Variants in RRP1 observed in about 807,000 individuals in gnomAD.
RRP1 encodes ribosomal RNA processing protein 1 homolog A.
In RRP1, 37 loss-of-function variants were observed where a neutral mutation model predicts 54.6. The ratio of observed to expected loss-of-function variants is 0.68; its 90% CI spans 0.52 to 0.89. RRP1 has a LOEUF of 0.89. RRP1 is among the 40% of genes least tolerant of loss of function. RRP1 has a pLI of 0.00. For missense variants in RRP1, 639 were observed against 612.5 expected (o/e 1.04, Z -0.46); for synonymous variants, 262 against 244.3 (o/e 1.07, Z -0.67).
At chr21:43,793,541 G>T in intron 4 of RRP1, 137 bp downstream of exon 4, 1 of 677,542 alleles carries the variant, frequency 1.5e-6, no homozygotes, top group Non-Finnish European at 2.6e-6. Context: ...AGGTGGAGCC[G>T]AGACTCTGGG....
chr21:43,797,891 C>T lies in RRP1; in HGVS notation c.618-16C>T, dbSNP rs1569015657. 6.2e-7 allele frequency: 1 copy of T among 1,609,082 alleles called. No homozygotes were observed. Among genetic ancestry groups the T allele is most frequent in the Non-Finnish European group, 8.5e-7 (1 of 1,176,530 alleles). On this transcript the variant is annotated splice_polypyrimidine_tract_variant and intron_variant, in intron 7 of 12. Coordinates refer to ENST00000497547, the MANE Select transcript of RRP1 (RefSeq NM_003683.6). ...GCATAACGGGCCTGCTCACCGGCCT[C>T]TGCTCTGCCCCTCAGTTCCTTGGTT...
At chr21:43,790,052 T>G (rs935406228) in intron 1 of RRP1, among the ~76,000 whole-genome samples, 10 of 152,252 alleles carry the variant, frequency 6.6e-5, no homozygotes, top group Non-Finnish European at 1.5e-4. Context: ...CATGTACTCC[T>G]GCTGCCCTGC....
chr21:43,791,229 C>T (rs1425195250), intron 1 of RRP1, 121 bp from the exon 2 acceptor site: 2 of 982,262 alleles, frequency 2.0e-6, no homozygotes, highest in Non-Finnish European at 1.6e-6. Context: ...TTCTGCCCCC[C>T]AGTTGCCTTT....
At chr21:43,801,459 G>A (rs1177781089) in intron 11 of RRP1, among the ~76,000 whole-genome samples, 2 of 152,190 alleles carry the variant, frequency 1.3e-5, no homozygotes, top group Non-Finnish European at 2.9e-5. Context: ...ATCAGCTGTA[G>A]TCCAGGGTTT....
At chr21:43,799,489 G>A (rs1052732030) in intron 8 of RRP1, 81 bp from the exon 9 acceptor site, 5 of 1,351,294 alleles carry the variant, frequency 3.7e-6, no homozygotes, top group Non-Finnish European at 5.0e-6. Flanking sequence ...AGGGTGCACG[G>A]AGCGGGCTCT....
intron 9 of RRP1, 125 bp downstream of exon 9, chr21:43,799,774 C>T: frequency 3.4e-6 from 3 of 889,664 alleles, no homozygotes; most frequent in East Asian, 5.3e-5. Flanking sequence ...GTTACCCGGA[C>T]AGGGGTTAGC....
In RRP1 at chr21:43,799,711, C is replaced by G; in HGVS notation, c.891+62C>G. On this transcript the variant is annotated intron_variant, in intron 9 of 12. Coordinates refer to ENST00000497547, the MANE Select transcript of RRP1 (RefSeq NM_003683.6). Reference sequence around the variant, plus strand: ...TTGCCCCTCTGTGCTACCGCTTGCTCTGGAAGAGGAGGGGGGCGTTAGGAG... The same window carrying G: ...TTGCCCCTCTGTGCTACCGCTTGCTGTGGAAGAGGAGGGGGGCGTTAGGAG... 2.0e-6 allele frequency: 3 copies of G among 1,486,004 alleles called. No individual in the cohort carries two copies. The South Asian group carries it at 3.6e-5, about 18-fold the overall frequency. 92.1% of individuals were successfully genotyped at this position (1,486,004 alleles called of 1,614,324 possible). A position where few individuals can be genotyped will look rare whatever the true frequency, so the allele number is the denominator to read the frequency against.
chr21:43,797,556 G>A lies in RRP1; in HGVS notation c.552+5G>A. On this transcript the variant is annotated splice_donor_5th_base_variant and intron_variant, in intron 6 of 12. Transcript: ENST00000497547. ...ACCAAAGTGGGCGCCGAGGAGGTGA[G>A]GCTGGGCTCCGACGGGGCGGTGGAG... is the stretch of plus-strand genomic sequence containing the variant. The A allele has an allele frequency of 6.2e-7, 1 of 1,614,032 alleles. No homozygotes were observed. The highest frequency in any genetic ancestry group is 8.5e-7 in the Non-Finnish European group (1 of 1,179,902).
intron 3 of RRP1, 97 bp from the exon 4 acceptor site, chr21:43,793,222 A>G: frequency 2.0e-6 from 2 of 1,022,232 alleles, no homozygotes; most frequent in Admixed American, 1.9e-5. Context: ...TTTTATCTAT[A>G]GCTATGTAAA....
At position 43,789,591 on chromosome 21, in the gene RRP1, C is replaced by G. The variant is rs758332144; in HGVS notation, c.-39C>G. ...GGCGCGTGCTCAGTGTGCTGGGTAC[C>G]AGGCGACTCCGGGACAGGGGGTCTC... On this transcript the variant is annotated 5_prime_UTR_variant, in exon 1 of 13. Coordinates refer to ENST00000497547, the MANE Select transcript of RRP1 (RefSeq NM_003683.6). 1 of 1,570,534 alleles carries G rather than the reference C, an allele frequency of 6.4e-7. No individual in the cohort carries two copies. Among genetic ancestry groups the G allele is most frequent in the South Asian group, 1.2e-5 (1 of 86,168 alleles).
chr21:43,801,712 G>A lies in RRP1; in HGVS notation c.1010-562G>A, dbSNP rs148001863. ...TCGTCTGGGGTTTTCGGGACAGCGC[G>A]CGTCAGTGAGGTGCGTGAGGATCGT... On this transcript the variant is annotated intron_variant, in intron 11 of 12. Coordinates refer to ENST00000497547, the MANE Select transcript of RRP1 (RefSeq NM_003683.6). Among the ~76,000 whole-genome samples the A allele has an allele frequency of 8.9e-4, 135 of 152,276 alleles. 1 individual carries two copies. The Middle Eastern group carries it at 0.031, about 35-fold the overall frequency.
intron 2 of RRP1, among the ~76,000 whole-genome samples, chr21:43,792,194 A>G (rs1213120558): frequency 6.6e-6 from 1 of 152,224 alleles, no homozygotes; most frequent in African/African-American, 2.4e-5. Flanking sequence ...CCACTGAATT[A>G]TCAAGGGGAG....
At chr21:43,799,068 C>G (rs2085054874) in intron 8 of RRP1, among the ~76,000 whole-genome samples, 1 of 152,148 alleles carries the variant, frequency 6.6e-6, no homozygotes, top group South Asian at 2.1e-4. Flanking sequence ...ACATGCTGCC[C>G]CACAGCTGCC....
chr21:43,789,579 T>TGTG lies in RRP1; in HGVS notation c.-50_-48dup. Reference sequence around the variant, plus strand: ...GCGGGCGCAGGAGGCGCGTGCTCAGTGTGCTGGGTACCAGGCGACTCCGGG... The same window carrying TGTG: ...GCGGGCGCAGGAGGCGCGTGCTCAGTGTGGTGCTGGGTACCAGGCGACTCCGGG... On this transcript the variant is annotated 5_prime_UTR_variant, in exon 1 of 13. Transcript: ENST00000497547. 3 of 1,549,302 alleles carry TGTG rather than the reference T, an allele frequency of 1.9e-6. No individual in the cohort carries two copies. Among genetic ancestry groups the TGTG allele is most frequent in the Non-Finnish European group, 2.6e-6 (3 of 1,151,322 alleles).
intron 5 of RRP1, among the ~76,000 whole-genome samples, chr21:43,797,107 A>G (rs1042767907): frequency 2.6e-5 from 4 of 152,102 alleles, no homozygotes; most frequent in African/African-American, 7.2e-5. Context: ...TCTGCTAGCA[A>G]TCTTGAGGAC....
intron 9 of RRP1, 146 bp downstream of exon 9, chr21:43,799,795 G>A: frequency 2.6e-6 from 2 of 769,906 alleles, no homozygotes; most frequent in South Asian, 1.7e-5. Context: ...TTTGAAGGAG[G>A]GATGGGTGCC....
At chr21:43,794,602 G>T (rs1411364142) in intron 4 of RRP1, among the ~76,000 whole-genome samples, 1 of 152,184 alleles carries the variant, frequency 6.6e-6, no homozygotes, top group Non-Finnish European at 1.5e-5. Context: ...TGGGCGTGTG[G>T]GCATGCTGGG....
In RRP1 at chr21:43,803,706, C is replaced by A; in HGVS notation, c.1318C>A (p.Leu440Met). 1 of 1,558,652 alleles carries A rather than the reference C, an allele frequency of 6.4e-7. No homozygotes were observed. Among genetic ancestry groups the A allele is most frequent in the East Asian group, 2.4e-5 (1 of 41,976 alleles). ...ARQRRRTPRP[L>M]TSARAKAANV... ...CCAGAGAAGGAGGACACCTCGGCCC[C>A]TGACCAGTGCCCGAGCAAAGGCGGC... The change falls in exon 13 of 13, where the codon CTG becomes ATG. Residue 440 changes from leucine to methionine, a missense_variant. Transcript: ENST00000497547.
intron 12 of RRP1, 142 bp from the exon 13 acceptor site, chr21:43,803,370 G>A: frequency 8.4e-7 from 1 of 1,185,504 alleles, no homozygotes; most frequent in Non-Finnish European, 1.2e-6. Context: ...GCCCACACTG[G>A]ACACGGGATG....
Sources: allele counts gnomAD v4.1 joint callset (sites outside exome capture counted in the v4.1 genomes callset), GRCh38; gene constraint gnomAD v4.1.1; transcripts MANE v1.5; gene names NCBI Gene and HGNC (gene_info 2026-07-23, HGNC 2026-07-21).